SLC49A3: variants seen among roughly 807,000 people sequenced by gnomAD.
SLC49A3 encodes solute carrier family 49 member A3.
SLC49A3 carries 50 observed loss-of-function variants against 43.8 expected under a neutral mutation model. That is an observed-to-expected ratio of 1.14 (90% CI 0.91 to 1.45). SLC49A3 has a LOEUF of 1.45. Ranked by LOEUF, SLC49A3 falls within the 40% of genes most tolerant of loss-of-function variation. SLC49A3 has a pLI of 0.00. For missense variants in SLC49A3, 906 were observed against 774.1 expected, an observed-to-expected ratio of 1.17 and a Z score of -2.02; for synonymous variants, 413 against 352.0, an observed-to-expected ratio of 1.17 and a Z score of -1.94.
chr4:679,228 G>T (rs1560153748), downstream of SLC49A3: 1 of 697,228 alleles, frequency 1.4e-6, no homozygotes, highest in Non-Finnish European at 2.6e-6. Flanking sequence ...GCATCCCAGG[G>T]TGAGACAGGG....
At chr4:686,742 T>G (rs748666557) in intron 1 of SLC49A3, 52 bp from the exon 2 acceptor site, 1 of 1,576,082 alleles carries the variant, frequency 6.3e-7, no homozygotes, top group Non-Finnish European at 8.6e-7. Context: ...CGGACCTACC[T>G]GCTGTGGCCC....
downstream of SLC49A3, chr4:681,725 GCCCCCTCCAGCGCCGCC>G (rs1739664272): frequency 4.0e-6 from 1 of 249,696 alleles, no homozygotes; most frequent in Non-Finnish European, 5.7e-6. Context: ...GCGCCGCCCC[GCCCCCTCCAGCGCCGCC>G]CCGCCCCCTC....
Position 682,304 on chromosome 4 carries a change from T to C in SLC49A3, c.1334A>G (p.Tyr445Cys). 1 of 1,349,194 alleles carries C rather than the reference T, an allele frequency of 7.4e-7. No homozygotes were observed. The highest frequency in any genetic ancestry group is 9.6e-7 in the Non-Finnish European group (1 of 1,041,562). 83.6% of individuals were successfully genotyped at this position (1,349,194 alleles called of 1,614,324 possible). Residue 445 changes from tyrosine (Y) to cysteine (C), a missense_variant, in exon 10 of 10, where the codon TAC becomes TGC. Coordinates refer to ENST00000322224, the MANE Select transcript of SLC49A3 (RefSeq NM_032219.4). ...CCCAGACTCGGCCTGCAGGCGCCGGTATGGGGTGTGGAAGAAGACCGCCAG... is the reference window on the plus strand; with the variant it reads ...CCCAGACTCGGCCTGCAGGCGCCGGCATGGGGTGTGGAAGAAGACCGCCAG... ...CILAVFFHTP[Y>C]RRLQAESGEP...
downstream of SLC49A3, chr4:680,000 T>C (rs751054586): frequency 8.1e-6 from 13 of 1,612,906 alleles, no homozygotes; most frequent in Non-Finnish European, 1.1e-5. Context: ...TCTGAACCTG[T>C]TTGGGGAGAA....
Position 689,036 on chromosome 4 carries a change from A to ACC in SLC49A3, c.90_91dup (p.Val31GlyfsTer76), listed in dbSNP as rs1379398750. On this transcript the variant is annotated frameshift_variant, in exon 1 of 10. Coordinates refer to ENST00000322224, the MANE Select transcript of SLC49A3 (RefSeq NM_032219.4). LOFTEE classifies it high-confidence loss of function. ...GAGCAGGCTGATCGCGAGCAGGAAC[A>ACC]CCCAGCGGCGCGCGTAGGTGCGGTG... 1 of 1,589,940 alleles carries ACC rather than the reference A, an allele frequency of 6.3e-7. No individual in the cohort carries two copies. Among genetic ancestry groups the ACC allele is most frequent in the Non-Finnish European group, 8.5e-7 (1 of 1,170,972 alleles).
At position 682,068 on chromosome 4, in the gene SLC49A3, T is replaced by C; in HGVS notation, c.1570A>G (p.Thr524Ala). ...CTGCCGGGGCGGGAGGGCGCGTCGG[T>C]GGCTGCTGGGCCTTGCGCACGGGGA... Reference protein sequence around the residue: ...ATPRAQGPAATDAPSRPGRLA... With the variant: ...ATPRAQGPAAADAPSRPGRLA... The change falls in exon 10 of 10, where the codon ACC becomes GCC. Residue 524 changes from threonine (T) to alanine (A), a missense_variant. Coordinates refer to ENST00000322224, the MANE Select transcript of SLC49A3 (RefSeq NM_032219.4). The C allele has an allele frequency of 7.1e-7, 1 of 1,409,744 alleles. No individual in the cohort carries two copies. The highest frequency in any genetic ancestry group is 9.3e-7 in the Non-Finnish European group (1 of 1,069,894). The allele number at this position is 1,409,744 out of a possible 1,614,324, so 87.3% of individuals were successfully genotyped here.
At chr4:679,696 C>G (rs1169497319), downstream of SLC49A3, among the ~76,000 whole-genome samples, 1 of 152,218 alleles carries the variant, frequency 6.6e-6, no homozygotes, top group Non-Finnish European at 1.5e-5. Context: ...TGTCACCTCC[C>G]TCTCCCTCAG....
chr4:683,455 G>A, intron 7 of SLC49A3, 88 bp from the exon 8 acceptor site: 1 of 1,524,738 alleles, frequency 6.6e-7, no homozygotes, highest in East Asian at 2.3e-5. Flanking sequence ...ACACGGGGCA[G>A]GAGAACCCAT....
chr4:684,505 A>G lies in SLC49A3; in HGVS notation c.818T>C (p.Leu273Pro). The change falls in exon 6 of 10, where the codon CTC (leucine) becomes CCC (proline). Residue 273 changes from leucine (L) to proline (P), a missense_variant. By Grantham distance (98) the Leu-to-Pro change is moderately conservative (BLOSUM62 -3). Transcript: ENST00000322224. The stretch of plus-strand genomic sequence containing the variant: ...CACACTGGAGTGGCCGCTTGCACAG[A>G]GGATCTGCTCCAGGAGGGCTGAGAA... ...ASFSALLEQI[L>P]CASGHSSGFS... is the part of the protein sequence containing the mutation. The G allele has an allele frequency of 6.2e-7, 1 of 1,613,080 alleles. No individual in the cohort carries two copies. Among genetic ancestry groups the G allele is most frequent in the Non-Finnish European group, 8.5e-7 (1 of 1,179,916 alleles).
upstream of SLC49A3, among the ~76,000 whole-genome samples, chr4:691,265 AGAGT>A (rs1346589203): frequency 2.1e-5 from 3 of 141,110 alleles, no homozygotes; most frequent in African/African-American, 8.0e-5. Flanking sequence ...CCTGGGCAAC[AGAGT>A]GAGACTCTGT....
upstream of SLC49A3, among the ~76,000 whole-genome samples, chr4:690,559 G>A (rs2109477026): frequency 6.6e-6 from 1 of 152,346 alleles, no homozygotes; most frequent in East Asian, 1.9e-4. Context: ...AGGGGGAGTT[G>A]CAGTGCAGGC....
intron 9 of SLC49A3, among the ~76,000 whole-genome samples, 182 bp downstream of exon 9, chr4:682,599 C>T (rs139722443): frequency 5.6e-4 from 85 of 152,286 alleles, no homozygotes; most frequent in African/African-American, 1.8e-3. Context: ...CCAGCCCCAT[C>T]TCTGATCTCG....
downstream of SLC49A3, among the ~76,000 whole-genome samples, chr4:681,611 TC>T (rs1739569736): frequency 1.6e-4 from 1 of 6,440 alleles, no homozygotes; most frequent in Non-Finnish European, 3.4e-4. Flanking sequence ...CCCCGCCCCC[TC>T]CAGCGCCGCC....
chr4:682,770 G>A lies in SLC49A3; in HGVS notation c.1261+11C>T. On this transcript the variant is annotated intron_variant, in intron 9 of 9. Transcript: ENST00000322224. Reference sequence around the variant, plus strand: ...GTCCTGTTCCCTGGGGACTCCCCATGTGAGGCTCACCTGTCCAGTCAAGTG... The same window carrying A: ...GTCCTGTTCCCTGGGGACTCCCCATATGAGGCTCACCTGTCCAGTCAAGTG... The A allele has an allele frequency of 6.4e-7, 1 of 1,556,416 alleles. No homozygotes were observed.
intron 8 of SLC49A3, 71 bp downstream of exon 8, chr4:683,139 A>C: frequency 6.3e-7 from 1 of 1,578,328 alleles, no homozygotes; most frequent in Admixed American, 1.7e-5. Flanking sequence ...CACATGGTGC[A>C]ACCCCAGGGG....
intron 2 of SLC49A3, 64 bp downstream of exon 2, chr4:686,468 C>G (rs1741058680): frequency 6.3e-7 from 1 of 1,579,056 alleles, no homozygotes. Context: ...CCTTGACTCT[C>G]CTACCCAAAT....
At chr4:678,405 G>A (rs1739073610), downstream of SLC49A3, 6 of 1,419,536 alleles carry the variant, frequency 4.2e-6, no homozygotes, top group Admixed American at 8.7e-5. Context: ...CCTGACCACT[G>A]TGCTCTGTGG....
chr4:684,435 T>G, intron 6 of SLC49A3, 48 bp downstream of exon 6: 1 of 1,605,518 alleles, frequency 6.2e-7, no homozygotes, highest in Non-Finnish European at 8.5e-7. Context: ...CATGGCCATA[T>G]GGGGCGGATG....
intron 6 of SLC49A3, 63 bp downstream of exon 6, chr4:684,420 G>A: frequency 6.3e-7 from 1 of 1,590,648 alleles, no homozygotes; most frequent in Non-Finnish European, 8.6e-7. Context: ...AGGCGGCGGT[G>A]ACTCCATGGC....
Sources: gnomAD v4.1 joint callset for allele counts (sites outside exome capture counted in the v4.1 genomes callset) on GRCh38, gnomAD v4.1.1 for gene constraint, MANE v1.5 for transcripts, NCBI Gene and HGNC (gene_info 2026-07-23, HGNC 2026-07-21) for gene names.